Variants in PLAUR observed in about 807,000 individuals in gnomAD.
PLAUR encodes the protein plasminogen activator, urokinase receptor.
A neutral mutation model predicts 33.4 loss-of-function variants in PLAUR; 22 were observed. The observed-to-expected ratio is 0.66, with a 90% CI of 0.47 to 0.94. The LOEUF (loss-of-function observed/expected upper bound fraction) is 0.94, where lower values mean the gene tolerates loss of function less well. Among genes scored for constraint, PLAUR ranks in the 40% least tolerant of loss-of-function variants. PLAUR has a pLI of 0.00. For synonymous variants in PLAUR, 148 were observed against 167.3 expected (o/e 0.88, Z 0.89); for missense variants, 408 against 434.7 (o/e 0.94, Z 0.55).
chr19:43,668,078 T>TCTGCTGGGGACGTTCTAGC (rs1228825721), intron 1 of PLAUR: 12 of 1,040,536 alleles, frequency 1.2e-5, no homozygotes, highest in Non-Finnish European at 1.4e-5. Context: ...CCTCTCCAGT[T>TCTGCTGGGGACGTTCTAGC]CTGCTGGGGA....
downstream of PLAUR, among the ~76,000 whole-genome samples, chr19:43,646,788 C>CTT (rs71169269): frequency 3.8e-3 from 394 of 104,752 alleles, 1 homozygote; most frequent in African/African-American, 8.0e-3. Flanking sequence ...TGGAAGATGT[C>CTT]TTTTTTTTTT....
intron 3 of PLAUR, chr19:43,660,425 G>C (rs562256910): frequency 1.3e-5 from 2 of 150,528 alleles, no homozygotes; most frequent in Non-Finnish European, 2.9e-5. Context: ...CTCCCACCTC[G>C]GCCTCCCAAA....
Position 43,670,076 on chromosome 19 carries a change from G to A in PLAUR, c.45C>T (p.Thr15=), listed in dbSNP as rs780069481. Reference sequence around the variant, plus strand: ...GGACCCAGCCCCTACCTGGGACGCAGGTGTGGAGCAGCAGCAGCAGCGGCA... The same window carrying A: ...GGACCCAGCCCCTACCTGGGACGCAAGTGTGGAGCAGCAGCAGCAGCGGCA... ...PLLPLLLLLH[T]CVPASWGLRC... is the part of the protein sequence containing the mutation. The change falls in exon 1 of 7, where the codon ACC becomes ACT. Residue 15 remains threonine, a synonymous_variant. Transcript: ENST00000340093. 2 of 1,613,414 alleles carry A rather than the reference G, an allele frequency of 1.2e-6. No individual in the cohort carries two copies. Among genetic ancestry groups the A allele is most frequent in the Admixed American group, 1.7e-5 (1 of 59,992 alleles).
intron 3 of PLAUR, among the ~76,000 whole-genome samples, chr19:43,660,028 G>A (rs985637943): frequency 6.6e-6 from 1 of 152,016 alleles, no homozygotes; most frequent in Non-Finnish European, 1.5e-5. Flanking sequence ...TTCTACAGTT[G>A]GATTTTTCTC....
In PLAUR at chr19:43,652,350, G is replaced by A. The variant is rs141507706; in HGVS notation, c.629C>T (p.Pro210Leu). 5.3e-4 allele frequency: 854 copies of A among 1,614,020 alleles called. 3 individuals carry two copies. The highest frequency in any genetic ancestry group is 2.6e-3 in the South Asian group (240 of 91,056). The change falls in exon 6 of 7, where the codon CCG becomes CTG. Residue 210 changes from proline to leucine, a missense_variant. Pro to Leu is a moderately conservative substitution (Grantham distance 98). Transcript: ENST00000340093. ...GCTGTAACACTGGCGGCCATTCTGC[G>A]GCAGATTTTCAAGCTCCAGGACTTA... Reference protein sequence around the residue: ...EGPILELENLPQNGRQCYSCK... With the variant: ...EGPILELENLLQNGRQCYSCK...
At chr19:43,664,946 T>C (rs1404353998) in intron 3 of PLAUR, among the ~76,000 whole-genome samples, 2 of 151,902 alleles carry the variant, frequency 1.3e-5, no homozygotes, top group East Asian at 1.9e-4. Flanking sequence ...AGGATGGGGA[T>C]TGGGTTAAGG....
At chr19:43,667,198 A>G (rs1967292813) in intron 2 of PLAUR, 3 of 208,710 alleles carry the variant, frequency 1.4e-5, no homozygotes, top group African/African-American at 4.7e-5. Context: ...CCAATTTTCC[A>G]TGTCACAAAC....
downstream of PLAUR, chr19:43,646,682 C>T (rs112395073): frequency 3.8e-3 from 2,311 of 616,122 alleles, 31 homozygotes; most frequent in African/African-American, 0.036. Context: ...GAAGTACAGA[C>T]CTCACTTCTT....
At chr19:43,668,163 T>A in intron 1 of PLAUR, 1 of 990,374 alleles carries the variant, frequency 1.0e-6, no homozygotes, top group South Asian at 4.3e-5. Flanking sequence ...GAACTATCCC[T>A]CCACTCACTC....
At chr19:43,659,286 T>A (rs1974343417) in intron 3 of PLAUR, among the ~76,000 whole-genome samples, 1 of 151,000 alleles carries the variant, frequency 6.6e-6, no homozygotes, top group Non-Finnish European at 1.5e-5. Flanking sequence ...ACTGAGTAGC[T>A]GAGACTACAG....
chr19:43,661,583 G>A (rs1349611119), intron 3 of PLAUR: 2 of 152,156 alleles, frequency 1.3e-5, no homozygotes, highest in African/African-American at 4.8e-5. Flanking sequence ...TTTTAGTAGA[G>A]ACGGGGTTTC....
downstream of PLAUR, chr19:43,646,261 C>T (rs1388521822): frequency 5.5e-6 from 3 of 546,058 alleles, no homozygotes; most frequent in Non-Finnish European, 9.9e-6. Context: ...TTGATATAGG[C>T]ACACAATGTG....
At chr19:43,668,375 G>C (rs748608943) in intron 1 of PLAUR, 1 of 910,756 alleles carries the variant, frequency 1.1e-6, no homozygotes, top group African/African-American at 1.8e-5. Context: ...CCGCCCTTTA[G>C]CTCTTCCTGA....
At chr19:43,663,820 A>G (rs575882930) in intron 3 of PLAUR, among the ~76,000 whole-genome samples, 2 of 148,736 alleles carry the variant, frequency 1.3e-5, no homozygotes, top group East Asian at 3.9e-4. Context: ...CAAAAACAAA[A>G]GGAAACAAAA....
intron 6 of PLAUR, among the ~76,000 whole-genome samples, chr19:43,650,199 C>T (rs1320384618): frequency 6.0e-5 from 9 of 151,146 alleles, no homozygotes; most frequent in East Asian, 3.9e-4. Flanking sequence ...CTAGTAGAGA[C>T]GGGGTTTCAC....
Position 43,665,471 on chromosome 19 carries a change from G to A in PLAUR, c.167-12C>T, listed in dbSNP as rs766700898. 5 of 1,611,764 alleles carry A rather than the reference G, an allele frequency of 3.1e-6. No homozygotes were observed. In the African/African-American group the frequency reaches 6.7e-5, roughly 22 times the overall value. The stretch of plus-strand genomic sequence containing the variant: ...CAGCTCTTCTCCTTCTGCAAGGAGG[G>A]GATCTTCATTACCCCAGAGGCTCCT... On this transcript the variant is annotated splice_polypyrimidine_tract_variant and intron_variant, in intron 2 of 6. Coordinates refer to ENST00000340093, the MANE Select transcript of PLAUR (RefSeq NM_002659.4).
intron 3 of PLAUR, among the ~76,000 whole-genome samples, chr19:43,658,047 A>AC (rs113414077): frequency 0.067 from 10,210 of 152,132 alleles, 420 homozygotes; most frequent in Middle Eastern, 0.19. Flanking sequence ...TAAATTAAAA[A>AC]AAAAAAAGAA....
intron 3 of PLAUR, among the ~76,000 whole-genome samples, chr19:43,657,367 T>G (rs974350206): frequency 1.3e-5 from 2 of 152,090 alleles, no homozygotes; most frequent in Non-Finnish European, 2.9e-5. Context: ...TCAAAGCCTA[T>G]CAAATACTGG....
chr19:43,670,003 C>CA, intron 1 of PLAUR, 63 bp downstream of exon 1: 1 of 1,502,852 alleles, frequency 6.7e-7, no homozygotes, highest in Admixed American at 1.8e-5. Flanking sequence ...CATCCTCTGA[C>CA]AACCCCCAAC....
Sources: allele counts gnomAD v4.1 joint callset (sites outside exome capture counted in the v4.1 genomes callset), GRCh38; gene constraint gnomAD v4.1.1; transcripts MANE v1.5; gene names NCBI Gene and HGNC (gene_info 2026-07-23, HGNC 2026-07-21).